The following PCF11 variants were observed in gnomAD, a reference collection of about 807,000 sequenced individuals.
The protein encoded by PCF11 is PCF11 cleavage and polyadenylation factor subunit, also known as pre-mRNA cleavage complex 2 protein Pcf11.
A neutral mutation model predicts 166.1 loss-of-function variants in PCF11; 19 were observed. That is an observed-to-expected ratio of 0.11 (90% CI 0.08 to 0.17). The LOEUF is 0.17. Among genes scored for constraint, PCF11 ranks in the 10% least tolerant of loss-of-function variants. The probability of loss-of-function intolerance (pLI) is 1.00; values close to 1 mark genes in which losing one functional copy is unlikely to be tolerated. For synonymous variants in PCF11, 663 were observed against 644.1 expected (o/e 1.03, Z -0.44); for missense variants, 1,565 against 1,855.5 (o/e 0.84, Z 2.88).
exon 5 of PCF11, chr11:83,166,560 C>T: frequency 6.2e-7 from 1 of 1,613,810 alleles, no homozygotes; most frequent in Non-Finnish European, 8.5e-7. Flanking sequence ...TATTCGGGAT[C>T]CAAGGCGAAT....
At chr11:83,162,438 A>T (rs563019991) in intron 2 of PCF11, among the ~76,000 whole-genome samples, 2 of 152,360 alleles carry the variant, frequency 1.3e-5, no homozygotes, top group South Asian at 4.1e-4. Flanking sequence ...AGAAATCTGG[A>T]AAGCTCTATA....
chr11:83,184,852 C>A, exon 16 of PCF11: 1 of 1,574,192 alleles, frequency 6.4e-7, no homozygotes, highest in Non-Finnish European at 8.6e-7. Flanking sequence ...TAGCAACACC[C>A]TCTGAAATTA....
intron 11 of PCF11, among the ~76,000 whole-genome samples, chr11:83,179,793 T>C (rs1861022466): frequency 6.6e-6 from 1 of 151,828 alleles, no homozygotes; most frequent in African/African-American, 2.4e-5. Context: ...AGTGGGCACT[T>C]GTAATCCCAG....
Position 83,183,058 on chromosome 11 carries a change from T to G in PCF11, c.4437T>G (p.Tyr1479Ter). ...TTCAGATTTATCATCCATCATGTTATGAAGATTATCAAAATGTAAGTTCTT... is the reference window on the plus strand; with the variant it reads ...TTCAGATTTATCATCCATCATGTTAGGAAGATTATCAAAATGTAAGTTCTT... The change falls in exon 15 of 16, where the codon TAT becomes TAG. Residue 1479 changes from tyrosine (Y) to a stop codon, truncating the protein, a stop_gained. Coordinates refer to ENST00000298281, the Ensembl canonical transcript of PCF11. LOFTEE classifies it high-confidence loss of function. 1 of 1,472,912 alleles carries G rather than the reference T, an allele frequency of 6.8e-7. No individual in the cohort carries two copies. Among genetic ancestry groups the G allele is most frequent in the Non-Finnish European group, 9.3e-7 (1 of 1,070,086 alleles). The allele number at this position is 1,472,912 out of a possible 1,614,324, so 91.2% of individuals were successfully genotyped here. A position where few individuals can be genotyped will look rare whatever the true frequency, so the allele number is the denominator to read the frequency against.
chr11:83,165,994 C>T (rs746563114), exon 5 of PCF11: 19 of 1,597,280 alleles, frequency 1.2e-5, no homozygotes, highest in East Asian at 6.7e-5. Flanking sequence ...AAATCGAAAT[C>T]GAAATCGAAA....
At chr11:83,186,238 G>C (rs1167267503) in exon 16 of PCF11, 1 of 152,182 alleles carries the variant, frequency 6.6e-6, no homozygotes, top group Non-Finnish European at 1.5e-5. Flanking sequence ...CTACAAAAGT[G>C]GTGACATTTG....
chr11:83,164,700 T>G (rs891280853), intron 4 of PCF11, among the ~76,000 whole-genome samples: 1 of 150,650 alleles, frequency 6.6e-6, no homozygotes. Context: ...CTGGGCAACA[T>G]AGTGAGGCCC....
intron 4 of PCF11, among the ~76,000 whole-genome samples, chr11:83,164,892 C>T (rs1860392221): frequency 1.3e-5 from 2 of 152,120 alleles, no homozygotes; most frequent in Admixed American, 1.3e-4. Context: ...TACAAAACTA[C>T]ACTATTTCCT....
intron 1 of PCF11, chr11:83,158,341 TG>T (rs1166369499): frequency 1.1e-5 from 1 of 93,156 alleles, no homozygotes. Context: ...GGGGTTTGGG[TG>T]GGGGGAGGAG....
chr11:83,182,530 T>C, intron 14 of PCF11, 39 bp downstream of exon 14: 1 of 1,002,094 alleles, frequency 1.0e-6, no homozygotes, highest in Non-Finnish European at 1.6e-6. Context: ...TTAAGATTAG[T>C]GTTTTTTTGT....
exon 8 of PCF11, chr11:83,169,069 G>A (rs1860581357): frequency 6.2e-7 from 1 of 1,613,780 alleles, no homozygotes; most frequent in Middle Eastern, 1.6e-4. Context: ...AGGTCAGCCT[G>A]TAGGTGGACT....
rs113627034 is a variant in PCF11, at chr11:83,169,364, G to T, written c.3029G>T (p.Gly1010Val). The change falls in exon 8 of 16, where the codon GGT becomes GTT. Residue 1010 changes from glycine (G) to valine (V), a missense_variant. Transcript: ENST00000298281. Reference sequence around the variant, plus strand: ...CAAGGAGGTGGAATGAGGTTTGAGGGTCCTTCTGTACCAGGAGGTGGCCTG... The same window carrying T: ...CAAGGAGGTGGAATGAGGTTTGAGGTTCCTTCTGTACCAGGAGGTGGCCTG... 1,048 of 1,613,788 alleles carry T rather than the reference G, an allele frequency of 6.5e-4. 5 individuals carry two copies. The African/African-American group carries it at 0.013, about 20-fold the overall frequency.
chr11:83,181,807 A>C (rs199902620), intron 12 of PCF11, 47 bp from the exon 13 acceptor site: 3 of 1,420,972 alleles, frequency 2.1e-6, no homozygotes, highest in Non-Finnish European at 2.8e-6. Flanking sequence ...CACAGTAAAA[A>C]TTTAGAAATA....
chr11:83,164,276 G>A (rs773375855), exon 4 of PCF11: 9 of 1,613,534 alleles, frequency 5.6e-6, no homozygotes, highest in Non-Finnish European at 7.6e-6. Flanking sequence ...AATTGTTCCT[G>A]ATATACAAAA....
Position 83,182,387 on chromosome 11 carries a change from A to AT in PCF11, c.4324-10dup. ...TATTATGTAAATTTCATTTTATATG[A>AT]TTCTATTTTAGAGTTGTGAAATCTG... On this transcript the variant is annotated splice_polypyrimidine_tract_variant and intron_variant, in intron 13 of 15. Coordinates refer to ENST00000298281, the Ensembl canonical transcript of PCF11. 1 of 1,344,256 alleles carries AT rather than the reference A, an allele frequency of 7.4e-7. No homozygotes were observed. The highest frequency in any genetic ancestry group is 1.1e-6 in the Non-Finnish European group (1 of 942,202). 83.3% of individuals were successfully genotyped at this position (1,344,256 alleles called of 1,614,324 possible). A position where few individuals can be genotyped will look rare whatever the true frequency, so the allele number is the denominator to read the frequency against.
chr11:83,169,989 T>A, exon 8 of PCF11: 2 of 1,580,008 alleles, frequency 1.3e-6, no homozygotes, highest in African/African-American at 2.7e-5. Flanking sequence ...TTCAGGCATC[T>A]CAACAGGTAA....
At chr11:83,169,823 A>G (rs1260359113) in exon 8 of PCF11, 8 of 1,613,710 alleles carry the variant, frequency 5.0e-6, no homozygotes. Context: ...GATTCACCTC[A>G]AGGACCAAAT....
exon 8 of PCF11, chr11:83,169,051 A>G (rs745447784): frequency 1.2e-6 from 2 of 1,611,960 alleles, no homozygotes; most frequent in Non-Finnish European, 1.7e-6. Context: ...TAGATTTGAT[A>G]ATCCCCGAGG....
exon 5 of PCF11, chr11:83,165,650 T>C (rs761378945): frequency 1.2e-6 from 2 of 1,613,486 alleles, no homozygotes; most frequent in Non-Finnish European, 8.5e-7. Flanking sequence ...GTCCTGGATC[T>C]GCACCATCCA....
Sources: gnomAD v4.1 joint callset for allele counts (sites outside exome capture counted in the v4.1 genomes callset) on GRCh38, gnomAD v4.1.1 for gene constraint, MANE v1.5 for transcripts, NCBI Gene and HGNC (gene_info 2026-07-23, HGNC 2026-07-21) for gene names.